The following USP48 variants were observed in gnomAD, a reference collection of about 807,000 sequenced individuals.
USP48 encodes ubiquitin carboxyl-terminal hydrolase 48.
In USP48, 43 loss-of-function variants were observed where a neutral mutation model predicts 150.7. That is an observed-to-expected ratio of 0.29 (90% CI 0.22 to 0.37). The LOEUF is 0.37. USP48 is among the 10% of genes least tolerant of loss of function. USP48 has a pLI of 1.00. For synonymous variants in USP48, 396 were observed against 425.9 expected, an observed-to-expected ratio of 0.93 and a Z score of 0.86; for missense variants, 813 against 1,249.6, an observed-to-expected ratio of 0.65 and a Z score of 5.27.
intron 19 of USP48, 87 bp downstream of exon 19, chr1:21,705,640 T>C: frequency 2.0e-6 from 2 of 994,044 alleles, no homozygotes; most frequent in Non-Finnish European, 2.9e-6. Flanking sequence ...ACAGACTATG[T>C]CAGATGAGAA....
chr1:21,712,628 CTTTT>C (rs11333202), intron 15 of USP48, among the ~76,000 whole-genome samples: 9 of 134,526 alleles, frequency 6.7e-5, no homozygotes, highest in South Asian at 2.4e-4. Context: ...GAAAACTATC[CTTTT>C]TTTTTTTTTT....
intron 14 of USP48, among the ~76,000 whole-genome samples, chr1:21,716,070 C>T (rs2097703430): frequency 6.6e-6 from 1 of 152,168 alleles, no homozygotes; most frequent in African/African-American, 2.4e-5. Flanking sequence ...TGTAGTGTGA[C>T]AGCAAAACTA....
intron 1 of USP48, among the ~76,000 whole-genome samples, chr1:21,760,284 T>C (rs1165541290): frequency 1.3e-5 from 2 of 152,186 alleles, no homozygotes; most frequent in African/African-American, 4.8e-5. Flanking sequence ...TAAAGGAACA[T>C]TACAGGACAA....
intron 12 of USP48, among the ~76,000 whole-genome samples, chr1:21,722,961 G>A (rs1269884562): frequency 6.6e-6 from 1 of 152,154 alleles, no homozygotes; most frequent in Non-Finnish European, 1.5e-5. Flanking sequence ...TTAGAAAACA[G>A]CACTTAATTA....
At chr1:21,774,923 C>T (rs559780682) in intron 1 of USP48, among the ~76,000 whole-genome samples, 81 of 150,856 alleles carry the variant, frequency 5.4e-4, no homozygotes, top group Non-Finnish European at 1.0e-3. Context: ...CCTTGGGAGG[C>T]GGAGGTTGCA....
At chr1:21,712,332 C>A (rs527341) in intron 15 of USP48, among the ~76,000 whole-genome samples, 1 of 152,142 alleles carries the variant, frequency 6.6e-6, no homozygotes, top group East Asian at 1.9e-4. Flanking sequence ...GCGCTCCAGC[C>A]TGGGCGACAC....
At chr1:21,759,608 A>G (rs1055219984) in intron 1 of USP48, among the ~76,000 whole-genome samples, 3 of 152,206 alleles carry the variant, frequency 2.0e-5, no homozygotes, top group South Asian at 2.1e-4. Flanking sequence ...TGGTGGAGAC[A>G]TGTCAAAAGA....
At chr1:21,722,247 G>T (rs2097723073) in intron 12 of USP48, among the ~76,000 whole-genome samples, 1 of 151,990 alleles carries the variant, frequency 6.6e-6, no homozygotes, top group African/African-American at 2.4e-5. Context: ...TTTATTCATT[G>T]TGAATTAAGA....
intron 10 of USP48, 31 bp downstream of exon 10, chr1:21,729,673 T>C (rs527585960): frequency 1.9e-6 from 3 of 1,605,850 alleles, no homozygotes; most frequent in Non-Finnish European, 2.6e-6. Context: ...CTAAAACATT[T>C]GCCTGCTATA....
intron 21 of USP48, 137 bp from the exon 22 acceptor site, chr1:21,701,739 T>C: frequency 1.6e-6 from 1 of 633,720 alleles, no homozygotes; most frequent in South Asian, 1.9e-5. Context: ...GACTGGAGAG[T>C]GGATCAAGAA....
chr1:21,711,759 T>G (rs1437223338), intron 15 of USP48, among the ~76,000 whole-genome samples: 2 of 152,108 alleles, frequency 1.3e-5, no homozygotes, highest in Non-Finnish European at 2.9e-5. Context: ...GTGCCTAGCA[T>G]AATAAATGAA....
intron 2 of USP48, chr1:21,757,106 A>T: frequency 1.4e-6 from 1 of 698,740 alleles, no homozygotes; most frequent in Non-Finnish European, 1.8e-6. Context: ...TATATTCTAG[A>T]GATTTTAAAG....
intron 26 of USP48, 139 bp from the exon 27 acceptor site, chr1:21,679,578 A>G (rs928205136): frequency 3.0e-5 from 30 of 998,656 alleles, no homozygotes; most frequent in Non-Finnish European, 4.1e-5. Context: ...GTGTGGGAGG[A>G]TAAGACAAAA....
At chr1:21,725,288 T>C (rs547510671) in intron 11 of USP48, among the ~76,000 whole-genome samples, 2 of 152,308 alleles carry the variant, frequency 1.3e-5, no homozygotes, top group South Asian at 4.1e-4. Context: ...AAACTTTCTA[T>C]GTTTCCAGTC....
chr1:21,763,153 G>A (rs76024755), intron 1 of USP48, among the ~76,000 whole-genome samples: 1 of 152,176 alleles, frequency 6.6e-6, no homozygotes, highest in Non-Finnish European at 1.5e-5. Context: ...GCTACTATGA[G>A]AAGCTGGGAG....
At chr1:21,696,144 CA>C (rs767702007) in intron 22 of USP48, among the ~76,000 whole-genome samples, 4 of 152,198 alleles carry the variant, frequency 2.6e-5, no homozygotes, top group African/African-American at 9.6e-5. Context: ...AGTTCAATGT[CA>C]AGAAGGCAAA....
At chr1:21,776,120 A>C (rs147614342) in intron 1 of USP48, among the ~76,000 whole-genome samples, 1 of 152,250 alleles carries the variant, frequency 6.6e-6, no homozygotes, top group African/African-American at 2.4e-5. Context: ...TGAAAAACAC[A>C]CATCCCTTAC....
chr1:21,742,543 CAA>C (rs11353860), intron 8 of USP48, among the ~76,000 whole-genome samples: 20 of 130,150 alleles, frequency 1.5e-4, no homozygotes, highest in Admixed American at 3.9e-4. Context: ...GACTCTATCT[CAA>C]AAAAAAAAAG....
intron 11 of USP48, 82 bp downstream of exon 11, chr1:21,728,488 A>G: frequency 1.3e-6 from 2 of 1,523,408 alleles, no homozygotes. Flanking sequence ...TAAGTTTGAG[A>G]AAGTTTCTTC....
Sources: allele counts gnomAD v4.1 joint callset (sites outside exome capture counted in the v4.1 genomes callset), GRCh38; gene constraint gnomAD v4.1.1; transcripts MANE v1.5; gene names NCBI Gene and HGNC (gene_info 2026-07-23, HGNC 2026-07-21).